TMEM178B: variants seen among roughly 807,000 people sequenced by gnomAD.
TMEM178B encodes transmembrane protein 178B.
A neutral mutation model predicts 31.0 loss-of-function variants in TMEM178B; 5 were observed. The ratio of observed to expected loss-of-function variants is 0.16; its 90% confidence interval spans 0.08 to 0.34. The LOEUF is 0.34. Among genes scored for constraint, TMEM178B ranks in the 10% least tolerant of loss-of-function variants. The probability of loss-of-function intolerance (pLI) is 1.00; values close to 1 mark genes in which losing one functional copy is unlikely to be tolerated. For missense variants in TMEM178B, 275 were observed against 400.3 expected, an observed-to-expected ratio of 0.69 and a Z score of 2.67; for synonymous variants, 164 against 164.0, an observed-to-expected ratio of 1.00 and a Z score of 0.00.
At chr7:141,337,418 T>C (rs1019301309) in intron 2 of TMEM178B, among the ~76,000 whole-genome samples, 3 of 151,874 alleles carry the variant, frequency 2.0e-5, no homozygotes, top group African/African-American at 7.3e-5. Context: ...GAAACTCTTA[T>C]TGGGCTTACT....
At chr7:141,309,432 G>A (rs1798871442) in intron 2 of TMEM178B, among the ~76,000 whole-genome samples, 2 of 152,230 alleles carry the variant, frequency 1.3e-5, no homozygotes, top group Admixed American at 1.3e-4. Context: ...GTATAGATAA[G>A]CACTAGGGAG....
downstream of TMEM178B, among the ~76,000 whole-genome samples, chr7:141,483,988 G>A (rs147780801): frequency 7.8e-4 from 119 of 152,126 alleles, 1 homozygote; most frequent in Middle Eastern, 6.8e-3. Context: ...CACACGTCTC[G>A]GCCTCCCAAA....
chr7:141,215,151 A>G (rs1797110738), intron 2 of TMEM178B, among the ~76,000 whole-genome samples: 1 of 152,094 alleles, frequency 6.6e-6, no homozygotes, highest in Non-Finnish European at 1.5e-5. Flanking sequence ...AAGTAGGCAC[A>G]TAAGCCCCCT....
intron 1 of TMEM178B, among the ~76,000 whole-genome samples, chr7:141,160,613 G>T (rs2129181542): frequency 6.6e-6 from 1 of 152,242 alleles, no homozygotes; most frequent in South Asian, 2.1e-4. Context: ...CTCCATAACT[G>T]CTTGTTAAGT....
chr7:141,204,762 A>T (rs1235410426), intron 1 of TMEM178B, among the ~76,000 whole-genome samples: 1 of 152,150 alleles, frequency 6.6e-6, no homozygotes, highest in South Asian at 2.1e-4. Context: ...CACTCATCCA[A>T]ATATAACTCA....
intron 2 of TMEM178B, among the ~76,000 whole-genome samples, chr7:141,408,772 G>A (rs1800930549): frequency 6.6e-6 from 1 of 152,336 alleles, no homozygotes; most frequent in South Asian, 2.1e-4. Context: ...AGTACAGAAG[G>A]CTTTGCAGAG....
At chr7:141,399,147 C>T (rs143697214) in intron 2 of TMEM178B, among the ~76,000 whole-genome samples, 1 of 152,336 alleles carries the variant, frequency 6.6e-6, no homozygotes, top group East Asian at 1.9e-4. Context: ...CCTGACTTCC[C>T]TCCCATTTTC....
chr7:141,186,411 C>G (rs975257217), intron 1 of TMEM178B, among the ~76,000 whole-genome samples: 1 of 152,130 alleles, frequency 6.6e-6, no homozygotes, highest in Non-Finnish European at 1.5e-5. Context: ...TGCAGCAGCC[C>G]CATCCTGCCC....
intron 2 of TMEM178B, among the ~76,000 whole-genome samples, chr7:141,293,716 A>G (rs1798585211): frequency 6.6e-6 from 1 of 152,072 alleles, no homozygotes; most frequent in African/African-American, 2.4e-5. Flanking sequence ...GCTTCTCTCT[A>G]ATTTGTTATT....
At chr7:141,247,919 C>G (rs1250090150) in intron 2 of TMEM178B, among the ~76,000 whole-genome samples, 1 of 152,054 alleles carries the variant, frequency 6.6e-6, no homozygotes, top group African/African-American at 2.4e-5. Context: ...ATTGGGGGCT[C>G]TCAGGACCCT....
intron 3 of TMEM178B, among the ~76,000 whole-genome samples, chr7:141,459,725 C>G (rs959832297): frequency 2.6e-5 from 4 of 152,156 alleles, no homozygotes; most frequent in Non-Finnish European, 4.4e-5. Context: ...AGTAAATTCC[C>G]ATTGTAATGA....
intron 1 of TMEM178B, among the ~76,000 whole-genome samples, chr7:141,080,655 T>C (rs1174232871): frequency 6.6e-6 from 1 of 152,148 alleles, no homozygotes; most frequent in Non-Finnish European, 1.5e-5. Flanking sequence ...TAATATCTAA[T>C]ATATGAATCG....
At chr7:141,135,604 A>C (rs1795663279) in intron 1 of TMEM178B, among the ~76,000 whole-genome samples, 1 of 152,228 alleles carries the variant, frequency 6.6e-6, no homozygotes, top group Non-Finnish European at 1.5e-5. Context: ...AAATGCATGG[A>C]AATTAAACAA....
chr7:141,364,871 A>G (rs1377423233), intron 2 of TMEM178B, among the ~76,000 whole-genome samples: 1 of 151,732 alleles, frequency 6.6e-6, no homozygotes, highest in Non-Finnish European at 1.5e-5. Context: ...GCTGCTTCTC[A>G]GCTTTGACTC....
chr7:141,132,587 G>A (rs1220084253), intron 1 of TMEM178B, among the ~76,000 whole-genome samples: 1 of 152,110 alleles, frequency 6.6e-6, no homozygotes, highest in East Asian at 1.9e-4. Context: ...CTGGGAACTG[G>A]TCTGCCCAGC....
intron 2 of TMEM178B, among the ~76,000 whole-genome samples, chr7:141,395,643 C>T (rs1800624099): frequency 6.6e-6 from 1 of 152,134 alleles, no homozygotes; most frequent in African/African-American, 2.4e-5. Flanking sequence ...GGTTCCAGAA[C>T]CCGAGGTGAT....
intron 2 of TMEM178B, among the ~76,000 whole-genome samples, chr7:141,398,371 G>A (rs1394215205): frequency 1.3e-5 from 2 of 152,106 alleles, no homozygotes; most frequent in African/African-American, 4.8e-5. Flanking sequence ...TTGCTGTGCT[G>A]CTTGGGTAGC....
intron 1 of TMEM178B, among the ~76,000 whole-genome samples, chr7:141,118,823 C>T (rs1006999963): frequency 4.6e-5 from 7 of 152,160 alleles, no homozygotes; most frequent in Non-Finnish European, 7.4e-5. Flanking sequence ...AAGGAAACAA[C>T]GGTGTAAGCA....
At chr7:141,414,070 ACAT>A (rs1373667455) in intron 2 of TMEM178B, among the ~76,000 whole-genome samples, 4 of 117,126 alleles carry the variant, frequency 3.4e-5, no homozygotes, top group Non-Finnish European at 6.8e-5. Context: ...TTCTCCAAAA[ACAT>A]CATTTTTTTT....
Sources: allele counts gnomAD v4.1 joint callset (sites outside exome capture counted in the v4.1 genomes callset), GRCh38; gene constraint gnomAD v4.1.1; transcripts MANE v1.5; gene names NCBI Gene and HGNC (gene_info 2026-07-23, HGNC 2026-07-21).